PKP1: variants seen among roughly 807,000 people sequenced by gnomAD.
PKP1 encodes plakophilin-1.
A neutral mutation model predicts 76.4 loss-of-function variants in PKP1; 27 were observed. The ratio of observed to expected loss-of-function variants is 0.35; its 90% CI spans 0.26 to 0.49. The LOEUF (loss-of-function observed/expected upper bound fraction) is 0.49, where lower values mean the gene tolerates loss of function less well. PKP1 is among the 20% of genes least tolerant of loss of function. PKP1 has a pLI of 0.99. For missense variants in PKP1, 964 were observed against 955.2 expected, an observed-to-expected ratio of 1.01 and a Z score of -0.12; for synonymous variants, 404 against 384.2, an observed-to-expected ratio of 1.05 and a Z score of -0.60.
intron 1 of PKP1, 114 bp downstream of exon 1, chr1:201,284,018 C>G: frequency 1.0e-6 from 1 of 978,794 alleles, no homozygotes; most frequent in East Asian, 2.6e-5. Context: ...GAGGGGCTGC[C>G]GGCCCCAGGC....
At chr1:201,295,740 G>T (rs1656052199) in intron 2 of PKP1, among the ~76,000 whole-genome samples, 1 of 152,140 alleles carries the variant, frequency 6.6e-6, no homozygotes, top group Non-Finnish European at 1.5e-5. Context: ...TCCATAAAAA[G>T]GGAATGATGA....
chr1:201,325,532 T>A (rs1466409382), intron 11 of PKP1, among the ~76,000 whole-genome samples: 1 of 150,820 alleles, frequency 6.6e-6, no homozygotes, highest in Admixed American at 6.6e-5. Flanking sequence ...CTGAGGAGAG[T>A]CCTGGGGTGC....
chr1:201,322,202 G>A, intron 8 of PKP1, 69 bp downstream of exon 8: 2 of 1,550,744 alleles, frequency 1.3e-6, no homozygotes, highest in Non-Finnish European at 1.8e-6. Context: ...TGCCTCATCT[G>A]CCCTTTCCTC....
rs1295143659 is a variant in PKP1, at chr1:201,328,967, G to A, written c.*32+99G>A. On this transcript the variant is annotated intron_variant, in intron 13 of 13. Transcript: ENST00000367324. Reference sequence around the variant, plus strand: ...CTAGGCCTGTGCTCCCAGGGACACAGAAGCATCCTTTTGCCTGGCTCTGGA... The same window carrying A: ...CTAGGCCTGTGCTCCCAGGGACACAAAAGCATCCTTTTGCCTGGCTCTGGA... 13 of 812,490 alleles carry A rather than the reference G, an allele frequency of 1.6e-5. No homozygotes were observed. The Admixed American group carries it at 2.1e-4, about 13-fold the overall frequency. 50.3% of individuals were successfully genotyped at this position (812,490 alleles called of 1,614,324 possible).
intron 2 of PKP1, among the ~76,000 whole-genome samples, chr1:201,300,834 G>A (rs956479979): frequency 1.3e-5 from 2 of 152,220 alleles, no homozygotes; most frequent in East Asian, 1.9e-4. Context: ...GTCGGGATCG[G>A]CTCCTGGAGG....
Position 201,327,791 on chromosome 1 carries a change from A to T in PKP1, c.2107-971A>T, listed in dbSNP as rs374928779. Among the ~76,000 whole-genome samples the T allele has an allele frequency of 2.0e-5, 3 of 151,920 alleles. No homozygotes were observed. In the East Asian group the frequency reaches 5.8e-4, roughly 30 times the overall value. The stretch of plus-strand genomic sequence containing the variant: ...GCGTCTGTTCCCAAAGGGCCTTCAC[A>T]TCCATCATGCATTGAGTTGTCACAA... On this transcript the variant is annotated intron_variant, in intron 12 of 13. Transcript: ENST00000367324.
intron 3 of PKP1, among the ~76,000 whole-genome samples, chr1:201,315,997 A>G (rs1007131852): frequency 1.3e-5 from 2 of 152,162 alleles, no homozygotes; most frequent in Admixed American, 6.5e-5. Context: ...AGATGTGAAC[A>G]TTTTTGTGTA....
chr1:201,285,395 G>C (rs770532542), intron 1 of PKP1, among the ~76,000 whole-genome samples: 6 of 152,020 alleles, frequency 3.9e-5, no homozygotes, highest in Non-Finnish European at 5.9e-5. Context: ...CAGACCTAAA[G>C]GCCTTTGCTT....
intron 6 of PKP1, 68 bp from the exon 7 acceptor site, chr1:201,320,199 T>G: frequency 1.1e-6 from 1 of 900,142 alleles, no homozygotes; most frequent in Non-Finnish European, 1.8e-6. Flanking sequence ...CCACACTCTC[T>G]TGTCCCCACC....
At chr1:201,318,884 A>G in intron 6 of PKP1, 89 bp downstream of exon 6, 1 of 1,079,344 alleles carries the variant, frequency 9.3e-7, no homozygotes, top group Non-Finnish European at 1.4e-6. Flanking sequence ...CAGCCGGTGC[A>G]TAGAACATAA....
intron 1 of PKP1, among the ~76,000 whole-genome samples, chr1:201,286,830 C>A (rs1035228850): frequency 3.3e-5 from 5 of 152,164 alleles, no homozygotes; most frequent in African/African-American, 1.2e-4. Context: ...CACCACCCAG[C>A]AAAAGATCTT....
chr1:201,328,680 G>T, intron 12 of PKP1, 82 bp from the exon 13 acceptor site: 1 of 1,266,600 alleles, frequency 7.9e-7, no homozygotes, highest in Non-Finnish European at 1.2e-6. Flanking sequence ...AGGTTGCTCT[G>T]GGAGGGCAGT....
chr1:201,313,366 G>A lies in PKP1; in HGVS notation c.507G>A (p.Lys169=), dbSNP rs900599018. 5 of 1,580,730 alleles carry A rather than the reference G, an allele frequency of 3.2e-6. No individual in the cohort carries two copies. Among genetic ancestry groups the A allele is most frequent in the South Asian group, 1.2e-5 (1 of 86,590 alleles). ...GTGACCCACGGGGCACCCTGCGCAA[G>A]GGCACGCTGGGCAGCAAGGGCCAGA... ...LYCDPRGTLR[K]GTLGSKGQKT... The change falls in exon 3 of 14, where the codon AAG becomes AAA. Residue 169 remains lysine, a synonymous_variant. Transcript: ENST00000367324.
intron 3 of PKP1, among the ~76,000 whole-genome samples, chr1:201,313,789 G>A (rs900219363): frequency 6.6e-5 from 10 of 152,250 alleles, no homozygotes; most frequent in African/African-American, 2.4e-4. Flanking sequence ...GACATTGACT[G>A]TGTAGGTTTT....
intron 12 of PKP1, chr1:201,328,541 T>C (rs1020058709): frequency 1.7e-6 from 1 of 602,576 alleles, no homozygotes; most frequent in Non-Finnish European, 3.0e-6. Flanking sequence ...GAAATTCACA[T>C]GTGTCAGTGG....
At chr1:201,326,427 C>G (rs972182960) in intron 12 of PKP1, among the ~76,000 whole-genome samples, 3 of 152,194 alleles carry the variant, frequency 2.0e-5, no homozygotes, top group Non-Finnish European at 2.9e-5. Flanking sequence ...GTACAGAGTC[C>G]TCTAGGGTAT....
At chr1:201,286,965 G>T (rs922486773) in intron 1 of PKP1, among the ~76,000 whole-genome samples, 3 of 152,030 alleles carry the variant, frequency 2.0e-5, no homozygotes, top group Non-Finnish European at 4.4e-5. Flanking sequence ...TAACCCAAGC[G>T]CTCCCCCGCC....
chr1:201,291,817 T>C (rs1655923637), intron 1 of PKP1, among the ~76,000 whole-genome samples: 1 of 152,228 alleles, frequency 6.6e-6, no homozygotes, highest in Non-Finnish European at 1.5e-5. Context: ...CAAGACCTGG[T>C]GGTTGGCCAC....
At chr1:201,326,869 G>A (rs1657141230) in intron 12 of PKP1, among the ~76,000 whole-genome samples, 1 of 152,230 alleles carries the variant, frequency 6.6e-6, no homozygotes, top group Admixed American at 6.5e-5. Flanking sequence ...AAGGAGGAAA[G>A]GCCAGGGAAA....
Sources: allele counts gnomAD v4.1 joint callset (sites outside exome capture counted in the v4.1 genomes callset), GRCh38; gene constraint gnomAD v4.1.1; transcripts MANE v1.5; gene names NCBI Gene and HGNC (gene_info 2026-07-23, HGNC 2026-07-21).